The following EPC2 variants were observed in gnomAD, a reference collection of about 807,000 sequenced individuals.
EPC2 encodes enhancer of polycomb 2.
In EPC2, 14 loss-of-function variants were observed where a neutral mutation model predicts 92.1. The observed-to-expected ratio is 0.15, with a 90% CI of 0.10 to 0.24. EPC2 has a LOEUF of 0.24. Among genes scored for constraint, EPC2 ranks in the 10% least tolerant of loss-of-function variants. The probability of loss-of-function intolerance (pLI) is 1.00; values close to 1 mark genes in which losing one functional copy is unlikely to be tolerated. For missense variants in EPC2, 755 were observed against 971.5 expected, an observed-to-expected ratio of 0.78 and a Z score of 2.96; for synonymous variants, 340 against 334.7, an observed-to-expected ratio of 1.02 and a Z score of -0.17.
At chr2:148,712,932 C>T (rs1266143204) in intron 2 of EPC2, among the ~76,000 whole-genome samples, 2 of 151,974 alleles carry the variant, frequency 1.3e-5, no homozygotes, top group African/African-American at 2.4e-5. Context: ...CATGGTGGCT[C>T]ACACCGGTAA....
intron 4 of EPC2, 32 bp from the exon 5 acceptor site, chr2:148,761,750 G>A: frequency 7.2e-7 from 1 of 1,382,378 alleles, no homozygotes. Flanking sequence ...TAACTGTGTT[G>A]TTTATTCTTC....
chr2:148,778,584 C>T (rs986011309), intron 10 of EPC2, among the ~76,000 whole-genome samples: 1 of 139,540 alleles, frequency 7.2e-6, no homozygotes, highest in Non-Finnish European at 1.5e-5. Flanking sequence ...CTGAGAATTG[C>T]AATTCAATAT....
chr2:148,751,128 G>A (rs768057484), intron 3 of EPC2, among the ~76,000 whole-genome samples: 1 of 152,008 alleles, frequency 6.6e-6, no homozygotes, highest in Non-Finnish European at 1.5e-5. Flanking sequence ...ACCCATTAAT[G>A]GGCTGATGGT....
In EPC2 at chr2:148,716,670, G is replaced by A. The variant is rs372639786; in HGVS notation, c.313+26297G>A. On this transcript the variant is annotated intron_variant, in intron 2 of 13. Coordinates refer to ENST00000258484, the MANE Select transcript of EPC2 (RefSeq NM_015630.4). Reference sequence around the variant, plus strand: ...CCAGTATTTTGTTGAGTTTTGCATCGAGGTTCACCAAAGATGTTGGCCTGA... The same window carrying A: ...CCAGTATTTTGTTGAGTTTTGCATCAAGGTTCACCAAAGATGTTGGCCTGA... 3.9e-5 allele frequency among the ~76,000 whole-genome samples: 6 copies of A among 152,012 alleles called. No individual in the cohort carries two copies. In the East Asian group the frequency reaches 7.7e-4, roughly 19 times the overall value.
intron 2 of EPC2, among the ~76,000 whole-genome samples, chr2:148,706,482 A>G (rs1408508562): frequency 6.6e-6 from 1 of 152,196 alleles, no homozygotes; most frequent in Non-Finnish European, 1.5e-5. Context: ...ATTCAAATTC[A>G]GGAAATACAG....
At chr2:148,712,458 A>G (rs895151181) in intron 2 of EPC2, among the ~76,000 whole-genome samples, 5 of 152,342 alleles carry the variant, frequency 3.3e-5, no homozygotes, top group East Asian at 1.9e-4. Flanking sequence ...GTTTTGATCA[A>G]TGATGAACCA....
chr2:148,783,417 T>C (rs1447644488), intron 11 of EPC2, among the ~76,000 whole-genome samples, 180 bp from the exon 12 acceptor site: 1 of 152,236 alleles, frequency 6.6e-6, no homozygotes, highest in Non-Finnish European at 1.5e-5. Context: ...TTCTCAGTTT[T>C]TGTTCGTTTC....
At chr2:148,759,730 T>C (rs777571456) in intron 4 of EPC2, among the ~76,000 whole-genome samples, 4 of 152,222 alleles carry the variant, frequency 2.6e-5, no homozygotes, top group South Asian at 2.1e-4. Context: ...TACATACATA[T>C]ATGTATACAC....
intron 1 of EPC2, among the ~76,000 whole-genome samples, chr2:148,683,608 C>T (rs1681455764): frequency 6.6e-6 from 1 of 152,122 alleles, no homozygotes; most frequent in Admixed American, 6.5e-5. Flanking sequence ...TAGCTTAGCT[C>T]CCACTTATAA....
intron 1 of EPC2, among the ~76,000 whole-genome samples, chr2:148,688,919 TGGTATGGAGGAAAGTAAAACAGGAAA>T (rs1339339283): frequency 1.3e-5 from 2 of 151,814 alleles, no homozygotes; most frequent in Admixed American, 6.6e-5. Flanking sequence ...TGTTGCAAAG[TGGTATGGAGGAAAGTAAAACAGGAAA>T]GGTATGGAGG....
chr2:148,664,537 A>G (rs909538134), intron 1 of EPC2, among the ~76,000 whole-genome samples: 10 of 152,232 alleles, frequency 6.6e-5, no homozygotes, highest in African/African-American at 9.6e-5. Flanking sequence ...TATAGTTGAC[A>G]TACAGACTGC....
intron 1 of EPC2, among the ~76,000 whole-genome samples, chr2:148,654,880 TC>T (rs1680759201): frequency 6.6e-6 from 1 of 152,176 alleles, no homozygotes; most frequent in African/African-American, 2.4e-5. Context: ...TTGTTTTTGT[TC>T]CTCAGAATGA....
intron 4 of EPC2, among the ~76,000 whole-genome samples, chr2:148,756,591 A>G (rs1683195375): frequency 6.6e-6 from 1 of 152,244 alleles, no homozygotes; most frequent in Non-Finnish European, 1.5e-5. Context: ...ATTAAGGAGC[A>G]TGTGAATACT....
intron 4 of EPC2, among the ~76,000 whole-genome samples, chr2:148,757,566 G>A (rs1211268638): frequency 1.3e-5 from 2 of 152,002 alleles, no homozygotes; most frequent in Non-Finnish European, 2.9e-5. Flanking sequence ...GGCTGGGCAT[G>A]GAGCCTCAGG....
intron 1 of EPC2, among the ~76,000 whole-genome samples, chr2:148,689,448 G>T (rs1681600636): frequency 6.6e-6 from 1 of 152,128 alleles, no homozygotes; most frequent in African/African-American, 2.4e-5. Context: ...AAAGTGCTGG[G>T]ATTACAGGCA....
chr2:148,744,284 T>G (rs1274074257), intron 3 of EPC2, among the ~76,000 whole-genome samples: 1 of 152,136 alleles, frequency 6.6e-6, no homozygotes, highest in Non-Finnish European at 1.5e-5. Flanking sequence ...TTAAGCAGTG[T>G]AAGTCAGGAG....
At chr2:148,686,741 A>G (rs926309495) in intron 1 of EPC2, among the ~76,000 whole-genome samples, 1 of 152,184 alleles carries the variant, frequency 6.6e-6, no homozygotes, top group African/African-American at 2.4e-5. Flanking sequence ...GACCATATGC[A>G]TTGTTGGGTA....
In EPC2 at chr2:148,690,196, C is replaced by T. The variant is rs551780776; in HGVS notation, c.154-18C>T. 129 of 1,572,116 alleles carry T rather than the reference C, an allele frequency of 8.2e-5. 2 individuals carry two copies. The South Asian group carries it at 1.1e-3, about 14-fold the overall frequency. ...ATATTACTAAAACAACTTATGTTGC[C>T]TACTTTACATTTTCCAGGAACATCA... On this transcript the variant is annotated intron_variant, in intron 1 of 13. Transcript: ENST00000258484.
At chr2:148,740,677 A>ATGACAT (rs1682865458) in intron 2 of EPC2, among the ~76,000 whole-genome samples, 1 of 152,150 alleles carries the variant, frequency 6.6e-6, no homozygotes, top group Admixed American at 6.5e-5. Context: ...TAGGTGTATA[A>ATGACAT]AAGATGGTCA....
Sources: gnomAD v4.1 joint callset for allele counts (sites outside exome capture counted in the v4.1 genomes callset) on GRCh38, gnomAD v4.1.1 for gene constraint, MANE v1.5 for transcripts, NCBI Gene and HGNC (gene_info 2026-07-23, HGNC 2026-07-21) for gene names.